Variants in MED12L observed in about 807,000 individuals in gnomAD.
MED12L encodes mediator of RNA polymerase II transcription subunit 12-like protein.
In MED12L, 60 loss-of-function variants were observed where a neutral mutation model predicts 281.3. The observed-to-expected ratio is 0.21, with a 90% CI of 0.17 to 0.26. The LOEUF is 0.26. Among genes scored for constraint, MED12L ranks in the 10% least tolerant of loss-of-function variants. MED12L has a pLI of 1.00. For synonymous variants in MED12L, 974 were observed against 987.2 expected, an observed-to-expected ratio of 0.99 and a Z score of 0.25; for missense variants, 2,146 against 2,680.9, an observed-to-expected ratio of 0.80 and a Z score of 4.41.
At chr3:151,219,030 G>GGA (rs1221768396) in intron 16 of MED12L, among the ~76,000 whole-genome samples, 5 of 152,198 alleles carry the variant, frequency 3.3e-5, no homozygotes, top group African/African-American at 7.2e-5. Context: ...CTGTCACTTT[G>GGA]GAGACTTTGG....
Position 151,220,610 on chromosome 3 carries a change from C to T in MED12L, c.2250+26944C>T, listed in dbSNP as rs139269015. Among the ~76,000 whole-genome samples the T allele has an allele frequency of 1.5e-3, 221 of 152,322 alleles. 1 individual carries two copies. Among genetic ancestry groups the T allele is most frequent in the African/African-American group, 4.8e-3 (201 of 41,556 alleles). ...TGTTCTTGTGATAGTGAATGGGTCT[C>T]ATGAGATCTGATGGTTTTAAAAACG... On this transcript the variant is annotated intron_variant, in intron 16 of 44. Coordinates refer to ENST00000687756, the MANE Select transcript of MED12L (RefSeq NM_001393769.1).
intron 43 of MED12L, among the ~76,000 whole-genome samples, chr3:151,423,185 AT>A (rs879294860): frequency 1.6e-3 from 227 of 143,826 alleles, no homozygotes; most frequent in Admixed American, 4.5e-3. Flanking sequence ...ATGCCCAGCT[AT>A]TTTTTTTTTT....
At position 151,360,560 on chromosome 3, in the gene MED12L, A is replaced by T. The variant is rs1463752616; in HGVS notation, c.2912A>T (p.Tyr971Phe). Residue 971 changes from tyrosine (Y) to phenylalanine (F), a missense_variant, in exon 21 of 45, where the codon TAT becomes TTT. Coordinates refer to ENST00000687756, the MANE Select transcript of MED12L (RefSeq NM_001393769.1). ...ATTTTAGCCTACCTCTATGATCTCT[A>T]TGTGTCATGTAGCCACCTCAGAAGT... ...RCILAYLYDL[Y>F]VSCSHLRSKF... 1 of 1,612,796 alleles carries T rather than the reference A, an allele frequency of 6.2e-7. No individual in the cohort carries two copies. Among genetic ancestry groups the T allele is most frequent in the East Asian group, 2.2e-5 (1 of 44,824 alleles).
At chr3:151,265,487 T>G (rs1577174409) in intron 16 of MED12L, among the ~76,000 whole-genome samples, 1 of 152,298 alleles carries the variant, frequency 6.6e-6, no homozygotes, top group South Asian at 2.1e-4. Context: ...TTCGAGTCTT[T>G]ATTCTCAACT....
chr3:151,113,022 G>A (rs990384603), intron 2 of MED12L, among the ~76,000 whole-genome samples: 1 of 152,190 alleles, frequency 6.6e-6, no homozygotes, highest in Non-Finnish European at 1.5e-5. Flanking sequence ...TTATCTTCTT[G>A]TCGAGGAGAC....
chr3:151,321,172 G>A (rs1748953769), intron 16 of MED12L, among the ~76,000 whole-genome samples: 2 of 152,088 alleles, frequency 1.3e-5, no homozygotes, highest in South Asian at 4.1e-4. Flanking sequence ...GAAAGCTTCT[G>A]GTTTCCTATT....
intron 16 of MED12L, among the ~76,000 whole-genome samples, chr3:151,199,941 G>C (rs1321727879): frequency 6.6e-6 from 1 of 151,800 alleles, no homozygotes; most frequent in East Asian, 1.9e-4. Context: ...CTCCAGCCTG[G>C]TCGCAAGAGT....
In MED12L at chr3:151,291,348, C is replaced by T. The variant is rs1744241110; in HGVS notation, c.2251-58711C>T. ...GAAACGATGGTTGAGAAACAAAATA[C>T]TATTATACAATTTCAAATTGAGGGT... On this transcript the variant is annotated intron_variant, in intron 16 of 44. Transcript: ENST00000687756. Among the ~76,000 whole-genome samples the T allele has an allele frequency of 2.0e-5, 3 of 152,000 alleles. No individual in the cohort carries two copies. The South Asian group carries it at 6.2e-4, about 31-fold the overall frequency.
At chr3:151,188,161 C>T (rs1400788359) in intron 12 of MED12L, 193 bp from the exon 13 acceptor site, 4 of 382,094 alleles carry the variant, frequency 1.0e-5, no homozygotes, top group South Asian at 5.6e-5. Flanking sequence ...TAAGCAGGGT[C>T]GGGCCTGGTT....
At chr3:151,413,873 AT>A (rs201952932) in intron 42 of MED12L, among the ~76,000 whole-genome samples, 44,005 of 143,568 alleles carry the variant, frequency 0.31, 7,210 homozygotes, top group Non-Finnish European at 0.39. Context: ...CCCTTGATAC[AT>A]TTTTTTTTTT....
At chr3:151,164,932 A>G (rs933326025) in intron 9 of MED12L, among the ~76,000 whole-genome samples, 3 of 152,188 alleles carry the variant, frequency 2.0e-5, no homozygotes, top group Admixed American at 1.3e-4. Flanking sequence ...CAGCACACCA[A>G]CATGGCGCAT....
chr3:151,157,432 G>T (rs904846958), intron 6 of MED12L, among the ~76,000 whole-genome samples: 1 of 152,014 alleles, frequency 6.6e-6, no homozygotes, highest in Non-Finnish European at 1.5e-5. Context: ...CTACAGGATG[G>T]ACTGTTATTT....
chr3:151,129,773 T>C (rs1715097997), intron 5 of MED12L, among the ~76,000 whole-genome samples: 1 of 151,936 alleles, frequency 6.6e-6, no homozygotes, highest in African/African-American at 2.4e-5. Flanking sequence ...TTAACTTATT[T>C]ATTTATTTAT....
chr3:151,339,973 A>G (rs1033173126), intron 16 of MED12L, among the ~76,000 whole-genome samples: 16 of 152,304 alleles, frequency 1.1e-4, no homozygotes, highest in African/African-American at 3.6e-4. Flanking sequence ...CTTTCGTGTA[A>G]AAGATATTTA....
intron 16 of MED12L, among the ~76,000 whole-genome samples, chr3:151,227,581 G>A (rs1730790629): frequency 6.6e-6 from 1 of 152,224 alleles, no homozygotes; most frequent in Non-Finnish European, 1.5e-5. Context: ...TTCACTTTGT[G>A]ATTATGCAAA....
At position 151,328,222 on chromosome 3, in the gene MED12L, A is replaced by G. The variant is rs1749886441; in HGVS notation, c.2251-21837A>G. On this transcript the variant is annotated intron_variant, in intron 16 of 44. Coordinates refer to ENST00000687756, the MANE Select transcript of MED12L (RefSeq NM_001393769.1). ...TCTTATTGTTGGTTTGACTGTGAGT[A>G]TATGGAACTCTGGCAAAATGAAATG... is the stretch of plus-strand genomic sequence containing the variant. 2.5e-6 allele frequency: 4 copies of G among 1,613,538 alleles called. No homozygotes were observed. In the Admixed American group the frequency reaches 5.0e-5, roughly 20 times the overall value.
chr3:151,356,030 C>T lies in MED12L; in HGVS notation c.2652C>T (p.Phe884=), dbSNP rs771200549. 1.2e-5 allele frequency: 19 copies of T among 1,610,998 alleles called. No individual in the cohort carries two copies. The highest frequency in any genetic ancestry group is 1.1e-4 in the African/African-American group (8 of 74,720). ...TGAACATCAACGGACTAATTGACTT[C>T]GCAATACAGGTGTCAAAGAGACCAT... ...PALNINGLID[F]AIQLLNELSV... The change falls in exon 19 of 45, where the codon TTC becomes TTT. Residue 884 remains phenylalanine, a synonymous_variant. Coordinates refer to ENST00000687756, the MANE Select transcript of MED12L (RefSeq NM_001393769.1).
intron 16 of MED12L, chr3:151,278,491 CAA>C (rs952601368): frequency 2.7e-5 from 4 of 150,638 alleles, no homozygotes; most frequent in African/African-American, 7.3e-5. Context: ...GACGTGGAAA[CAA>C]AGAGGAAGGA....
intron 39 of MED12L, among the ~76,000 whole-genome samples, chr3:151,400,062 G>C (rs1056419377): frequency 2.6e-5 from 4 of 152,110 alleles, no homozygotes; most frequent in Non-Finnish European, 5.9e-5. Flanking sequence ...CCTGACCTCA[G>C]GTGATCCACC....
Sources: allele counts gnomAD v4.1 joint callset (sites outside exome capture counted in the v4.1 genomes callset), GRCh38; gene constraint gnomAD v4.1.1; transcripts MANE v1.5; gene names NCBI Gene and HGNC (gene_info 2026-07-23, HGNC 2026-07-21).